ZFX: variants seen among roughly 807,000 people sequenced by gnomAD.
ZFX encodes zinc finger X-chromosomal protein.
For synonymous variants in ZFX, 196 were observed against 226.8 expected (o/e 0.86, Z 1.22); for missense variants, 362 against 628.3 (o/e 0.58, Z 4.53).
At chrX:24,169,838 C>A (rs898161763) in intron 3 of ZFX, among the ~76,000 whole-genome samples, 4 of 110,648 alleles carry the variant, frequency 3.6e-5, no homozygotes, top group African/African-American at 1.3e-4. Context: ...TGAGCACACA[C>A]CTGGGCTGAG....
At chrX:24,165,583 A>G (rs1933928545) in intron 3 of ZFX, among the ~76,000 whole-genome samples, 1 of 112,850 alleles carries the variant, frequency 8.9e-6, no homozygotes, top group Non-Finnish European at 1.9e-5. Flanking sequence ...ATAAGAAAAC[A>G]GTTTCTGATA....
At chrX:24,180,005 A>G (rs962140722) in intron 5 of ZFX, among the ~76,000 whole-genome samples, 2 of 110,899 alleles carry the variant, frequency 1.8e-5, no homozygotes, top group Admixed American at 9.6e-5. Flanking sequence ...AGGCAGGTGG[A>G]TCACCTGAGG....
chrX:24,190,304 A>G (rs1381598905), intron 5 of ZFX, among the ~76,000 whole-genome samples: 1 of 111,839 alleles, frequency 8.9e-6, no homozygotes, highest in Non-Finnish European at 1.9e-5. Flanking sequence ...GCATCTTTTT[A>G]AAGCTTTTTC....
At chrX:24,202,372 T>C (rs1294076647) in intron 5 of ZFX, among the ~76,000 whole-genome samples, 2 of 111,906 alleles carry the variant, frequency 1.8e-5, no homozygotes, top group East Asian at 5.6e-4. Context: ...TTTGCCTTTT[T>C]ACATACTTGA....
At chrX:24,194,701 A>G (rs1483337616) in intron 5 of ZFX, among the ~76,000 whole-genome samples, 4 of 111,401 alleles carry the variant, frequency 3.6e-5, no homozygotes, top group African/African-American at 1.3e-4. Context: ...GAAATGTGCC[A>G]TAGGAACTTA....
At chrX:24,176,892 T>C (rs182076931) in intron 4 of ZFX, among the ~76,000 whole-genome samples, 1 of 112,105 alleles carries the variant, frequency 8.9e-6, no homozygotes, top group Admixed American at 9.5e-5. Flanking sequence ...TATAAAACTT[T>C]CTTTGCTTTT....
rs1938001964 is a variant in ZFX, at chrX:24,210,513, C to T, written c.1555C>T (p.His519Tyr). ...VHKEKGANKM[H>Y]KCKFCEYETA... ...TAAGGAAAAAGGAGCCAACAAAATGCACAAGTGTAAATTCTGTGAATACGA... is the reference window on the plus strand; with the variant it reads ...TAAGGAAAAAGGAGCCAACAAAATGTACAAGTGTAAATTCTGTGAATACGA... Residue 519 changes from histidine to tyrosine, a missense_variant, in exon 10 of 10, where the codon CAC becomes TAC. By Grantham distance (83) the His-to-Tyr change is moderately conservative. Coordinates refer to ENST00000304543, the MANE Select transcript of ZFX (RefSeq NM_003410.4). The T allele has an allele frequency of 1.7e-6, 2 of 1,210,129 alleles. No homozygotes were observed. Among genetic ancestry groups the T allele is most frequent in the Non-Finnish European group, 2.2e-6 (2 of 895,373 alleles).
chrX:24,183,404 T>G (rs1935837260), intron 5 of ZFX, among the ~76,000 whole-genome samples: 1 of 111,723 alleles, frequency 9.0e-6, no homozygotes, highest in African/African-American at 3.3e-5. Flanking sequence ...TAGGCTGGTC[T>G]TGAACTCCTG....
chrX:24,193,819 C>T (rs1182738134), intron 5 of ZFX, among the ~76,000 whole-genome samples: 1 of 111,321 alleles, frequency 9.0e-6, no homozygotes, highest in Non-Finnish European at 1.9e-5. Context: ...TAAAATACAC[C>T]TACAATTTAC....
At chrX:24,187,463 A>G (rs1936215404) in intron 5 of ZFX, among the ~76,000 whole-genome samples, 1 of 112,188 alleles carries the variant, frequency 8.9e-6, no homozygotes, top group Non-Finnish European at 1.9e-5. Flanking sequence ...ATTTACAATA[A>G]TAATGAATTC....
At chrX:24,172,404 C>G (rs1934710175) in intron 3 of ZFX, among the ~76,000 whole-genome samples, 2 of 111,840 alleles carry the variant, frequency 1.8e-5, no homozygotes, top group Admixed American at 1.9e-4. Flanking sequence ...GTAGTGATTA[C>G]AAAAGTTTAT....
chrX:24,206,400 C>T (rs1366526949), intron 5 of ZFX, among the ~76,000 whole-genome samples: 1 of 110,787 alleles, frequency 9.0e-6, no homozygotes, highest in Non-Finnish European at 1.9e-5. Context: ...GGGTCTCACT[C>T]TGTAACCCAG....
intron 4 of ZFX, among the ~76,000 whole-genome samples, chrX:24,175,902 T>G (rs2147590109): frequency 9.0e-6 from 1 of 110,993 alleles, no homozygotes; most frequent in South Asian, 3.8e-4. Context: ...TAACCAGTGC[T>G]CTTGCCACTA....
intron 3 of ZFX, among the ~76,000 whole-genome samples, chrX:24,163,369 T>G (rs1357151158): frequency 4.5e-5 from 1 of 22,322 alleles, no homozygotes; most frequent in Non-Finnish European, 7.1e-5. Flanking sequence ...GTTAGGTTTT[T>G]TTTTTTTTTT....
chrX:24,165,325 T>G (rs1213590595), intron 3 of ZFX, among the ~76,000 whole-genome samples: 2 of 112,124 alleles, frequency 1.8e-5, no homozygotes, highest in Non-Finnish European at 3.8e-5. Context: ...TTCACTATCT[T>G]GGCCAGGATG....
intron 3 of ZFX, among the ~76,000 whole-genome samples, chrX:24,158,107 A>G (rs1323581390): frequency 8.9e-6 from 1 of 111,923 alleles, no homozygotes; most frequent in Non-Finnish European, 1.9e-5. Flanking sequence ...GTCTGTCTAA[A>G]TAAGTCTGAA....
At chrX:24,153,220 G>A (rs1409925994) in intron 3 of ZFX, among the ~76,000 whole-genome samples, 2 of 111,879 alleles carry the variant, frequency 1.8e-5, no homozygotes, top group Non-Finnish European at 3.8e-5. Context: ...ACGGGTCCTT[G>A]AAATCTCTCA....
chrX:24,186,775 T>C (rs1936150669), intron 5 of ZFX, among the ~76,000 whole-genome samples: 1 of 111,845 alleles, frequency 8.9e-6, no homozygotes, highest in African/African-American at 3.3e-5. Context: ...ATGACTGCCT[T>C]CTTCAGTCTT....
intron 5 of ZFX, among the ~76,000 whole-genome samples, chrX:24,195,657 C>T (rs1166927452): frequency 9.0e-6 from 1 of 111,316 alleles, no homozygotes; most frequent in Non-Finnish European, 1.9e-5. Context: ...GCCCGGCGTG[C>T]CCGGCTAATT....
Sources: gnomAD v4.1 joint callset for allele counts (sites outside exome capture counted in the v4.1 genomes callset) on GRCh38, gnomAD v4.1.1 for gene constraint, MANE v1.5 for transcripts, NCBI Gene and HGNC (gene_info 2026-07-23, HGNC 2026-07-21) for gene names.